Variants in SPHKAP observed in about 807,000 individuals in gnomAD.
SPHKAP encodes the protein SPHK1 interactor, AKAP domain containing.
Under a neutral mutation model 137.5 loss-of-function variants are expected in SPHKAP, and 67 were observed. The ratio of observed to expected loss-of-function variants is 0.49; its 90% CI spans 0.40 to 0.60. The LOEUF is 0.60. Among genes scored for constraint, SPHKAP ranks in the 20% least tolerant of loss-of-function variants. The pLI is 0.00. For synonymous variants in SPHKAP, 813 were observed against 785.3 expected (o/e 1.04, Z -0.59); for missense variants, 2,097 against 2,069.3 (o/e 1.01, Z -0.26).
intron 7 of SPHKAP, among the ~76,000 whole-genome samples, chr2:228,004,639 T>C (rs770134294): frequency 1.3e-4 from 20 of 152,196 alleles, no homozygotes; most frequent in Admixed American, 2.6e-4. Context: ...GTTCTTTTAA[T>C]TGTGATGTTA....
rs140570277 is a variant in SPHKAP at position 228,142,369 on chromosome 2, G to A, written c.33-10284C>T. 1.2e-3 allele frequency among the ~76,000 whole-genome samples: 181 copies of A among 152,200 alleles called. 1 individual carries two copies. Among genetic ancestry groups the A allele is most frequent in the African/African-American group, 4.0e-3 (167 of 41,518 alleles). On this transcript the variant is annotated intron_variant, in intron 1 of 11. Coordinates refer to ENST00000392056, the MANE Select transcript of SPHKAP (RefSeq NM_001142644.2). ...TAAAATAAGGTGTTACTGGACGGGAGGCTAAGGCCGGAGAATGGCGTGAAC... is the reference window on the plus strand; with the variant it reads ...TAAAATAAGGTGTTACTGGACGGGAAGCTAAGGCCGGAGAATGGCGTGAAC...
intron 1 of SPHKAP, among the ~76,000 whole-genome samples, chr2:228,135,261 T>G: frequency 1.0e-5 from 1 of 99,862 alleles, no homozygotes; most frequent in Non-Finnish European, 1.9e-5. Context: ...GCAACAAGAG[T>G]GAAACTCTGT....
chr2:228,096,841 A>G (rs969172060), intron 3 of SPHKAP, among the ~76,000 whole-genome samples: 3 of 152,112 alleles, frequency 2.0e-5, no homozygotes, highest in Non-Finnish European at 4.4e-5. Context: ...CACTAGAGTG[A>G]GCTTGTCTTA....
intron 3 of SPHKAP, among the ~76,000 whole-genome samples, chr2:228,056,132 C>T (rs1180515402): frequency 2.0e-5 from 3 of 152,250 alleles, no homozygotes; most frequent in Non-Finnish European, 4.4e-5. Flanking sequence ...TATTGTCTCT[C>T]ACAGCAGCTT....
Position 228,018,956 on chromosome 2 carries a change from T to C in SPHKAP, c.1898A>G (p.Tyr633Cys), listed in dbSNP as rs1302878519. The part of the protein sequence containing the change: ...AALVLTRPNT[Y>C]SSIGDFLDSM... Reference sequence around the variant, plus strand: ...GTCCAGAAAGTCTCCAATGCTGCTGTAGGTATTAGGCCTTGTTAAAACCAG... The same window carrying C: ...GTCCAGAAAGTCTCCAATGCTGCTGCAGGTATTAGGCCTTGTTAAAACCAG... Residue 633 changes from tyrosine to cysteine, a missense_variant, in exon 7 of 12, where the codon TAC (tyrosine) becomes TGC (cysteine). By Grantham distance (194) the Tyr-to-Cys change is radical (BLOSUM62 -2). Coordinates refer to ENST00000392056, the MANE Select transcript of SPHKAP (RefSeq NM_001142644.2). 1.2e-6 allele frequency: 2 copies of C among 1,614,044 alleles called. No individual in the cohort carries two copies. Among genetic ancestry groups the C allele is most frequent in the African/African-American group, 1.3e-5 (1 of 74,930 alleles).
At chr2:228,055,079 T>C (rs1433650857) in intron 3 of SPHKAP, among the ~76,000 whole-genome samples, 1 of 140,356 alleles carries the variant, frequency 7.1e-6, no homozygotes, top group Non-Finnish European at 1.5e-5. Flanking sequence ...GAGGCAGAGG[T>C]TGCAGTGAGC....
chr2:228,126,955 T>C lies in SPHKAP; in HGVS notation c.138+5025A>G, dbSNP rs539382282. Among the ~76,000 whole-genome samples the C allele has an allele frequency of 1.8e-4, 27 of 152,336 alleles. No individual in the cohort carries two copies. In the South Asian group the frequency reaches 5.6e-3, roughly 32 times the overall value. ...TTTTTTCAGAGGCTGATTATCCAACTAATGCATTGTCTTGACCCTTGTTTT... is the reference window on the plus strand; with the variant it reads ...TTTTTTCAGAGGCTGATTATCCAACCAATGCATTGTCTTGACCCTTGTTTT... On this transcript the variant is annotated intron_variant, in intron 2 of 11. Transcript: ENST00000392056.
intron 1 of SPHKAP, among the ~76,000 whole-genome samples, chr2:228,151,794 T>A: frequency 6.6e-6 from 1 of 152,176 alleles, no homozygotes; most frequent in Non-Finnish European, 1.5e-5. Context: ...TATTTTGTTG[T>A]TTTTAAAATC....
chr2:228,154,512 C>CTCTCTCTCTCTCTA (rs1393941364), intron 1 of SPHKAP, among the ~76,000 whole-genome samples: 5 of 22,068 alleles, frequency 2.3e-4, no homozygotes, highest in African/African-American at 9.1e-4. Flanking sequence ...CTCTCTCTCT[C>CTCTCTCTCTCTCTA]TATATATATA....
At chr2:228,030,533 C>CAAAAAAAAAAAAAAAAAAAAAAAAA (rs1559356982) in intron 3 of SPHKAP, among the ~76,000 whole-genome samples, 1 of 45,640 alleles carries the variant, frequency 2.2e-5, no homozygotes, top group African/African-American at 1.0e-4. Context: ...AAAAAAAAAA[C>CAAAAAAAAAAAAAAAAAAAAAAAAA]AACAAAAAAC....
intron 3 of SPHKAP, among the ~76,000 whole-genome samples, chr2:228,089,585 G>T (rs1237879157): frequency 1.3e-5 from 2 of 152,184 alleles, no homozygotes; most frequent in Admixed American, 6.5e-5. Context: ...AAAATGCCTT[G>T]AAGCAATTTT....
chr2:228,071,649 G>A (rs1313206504), intron 3 of SPHKAP, among the ~76,000 whole-genome samples: 1 of 151,356 alleles, frequency 6.6e-6, no homozygotes, highest in African/African-American at 2.4e-5. Flanking sequence ...TTTGTCTGGT[G>A]GTATAGCTGC....
chr2:228,110,342 A>T (rs1698480211), intron 2 of SPHKAP, among the ~76,000 whole-genome samples: 1 of 152,094 alleles, frequency 6.6e-6, no homozygotes, highest in African/African-American at 2.4e-5. Flanking sequence ...TATAAAATAT[A>T]ATCGCATATC....
At chr2:228,132,822 AC>A (rs1321368680) in intron 1 of SPHKAP, among the ~76,000 whole-genome samples, 1 of 143,134 alleles carries the variant, frequency 7.0e-6, no homozygotes, top group Non-Finnish European at 1.5e-5. Context: ...ACACGGTGAA[AC>A]CCTGTTTCTA....
chr2:228,074,887 A>G lies in SPHKAP; in HGVS notation c.246+33945T>C, dbSNP rs368565401. Among the ~76,000 whole-genome samples, 5 of 151,074 alleles carry G rather than the reference A, an allele frequency of 3.3e-5. 1 individual carries two copies. The highest frequency in any genetic ancestry group is 1.2e-4 in the African/African-American group (5 of 41,116). On this transcript the variant is annotated intron_variant, in intron 3 of 11. Coordinates refer to ENST00000392056, the MANE Select transcript of SPHKAP (RefSeq NM_001142644.2). ...CCCAATCCTTCTTTCTCACTCTCTC[A>G]TTACTTGACAACATGTATTCCTGCC...
chr2:228,019,288 C>A lies in SPHKAP; in HGVS notation c.1566G>T (p.Glu522Asp), dbSNP rs1694743321. The A allele has an allele frequency of 2.5e-6, 4 of 1,614,056 alleles. No homozygotes were observed. The highest frequency in any genetic ancestry group is 3.4e-6 in the Non-Finnish European group (4 of 1,180,000). Reference sequence around the variant, plus strand: ...CTGGGGGAAAGTTCGAGACCACTTGCTCCATTTTGAGTCTTTCTGTGGCCT... The same window carrying A: ...CTGGGGGAAAGTTCGAGACCACTTGATCCATTTTGAGTCTTTCTGTGGCCT... The part of the protein sequence containing the change: ...SPQATERLKM[E>D]QVVSNFPPGS... Residue 522 changes from glutamate (E) to aspartate (D), a missense_variant, in exon 7 of 12, where the codon GAG (glutamate) becomes GAT (aspartate). Transcript: ENST00000392056.
At chr2:228,096,630 CTGTGTG>C (rs59745287) in intron 3 of SPHKAP, among the ~76,000 whole-genome samples, 37,758 of 148,706 alleles carry the variant, frequency 0.25, 4,860 homozygotes, top group South Asian at 0.41. Context: ...CAGGGGTCAA[CTGTGTG>C]TGTGTGTGTG....
intron 1 of SPHKAP, among the ~76,000 whole-genome samples, chr2:228,139,894 T>G (rs1699542215): frequency 8.8e-6 from 1 of 114,266 alleles, no homozygotes; most frequent in Non-Finnish European, 2.0e-5. Flanking sequence ...CCTAGAGTTC[T>G]TTATTTCTTT....
chr2:228,171,324 C>A (rs1024218851), intron 1 of SPHKAP, among the ~76,000 whole-genome samples: 1 of 152,080 alleles, frequency 6.6e-6, no homozygotes, highest in East Asian at 1.9e-4. Context: ...GTTTCTTCAT[C>A]TGTAAAGGAA....
Sources: allele counts gnomAD v4.1 joint callset (sites outside exome capture counted in the v4.1 genomes callset), GRCh38; gene constraint gnomAD v4.1.1; transcripts MANE v1.5; gene names NCBI Gene and HGNC (gene_info 2026-07-23, HGNC 2026-07-21).